The following RAPGEF5 variants were observed in gnomAD, a reference collection of about 807,000 sequenced individuals.
The protein encoded by RAPGEF5 is Rap guanine nucleotide exchange factor 5.
A neutral mutation model predicts 125.2 loss-of-function variants in RAPGEF5; 65 were observed. That is an observed-to-expected ratio of 0.52 (90% confidence interval 0.43 to 0.64). The LOEUF is 0.64. Ranked by LOEUF, RAPGEF5 falls within the 30% of genes least tolerant of loss-of-function variation. RAPGEF5 has a pLI of 0.00. For synonymous variants in RAPGEF5, 391 were observed against 385.9 expected (o/e 1.01, Z -0.16); for missense variants, 958 against 1,048.1 (o/e 0.91, Z 1.19).
At chr7:22,169,224 G>C (rs890942103) in intron 11 of RAPGEF5, among the ~76,000 whole-genome samples, 4 of 152,124 alleles carry the variant, frequency 2.6e-5, no homozygotes, top group African/African-American at 9.7e-5. Flanking sequence ...CCCTACTAGA[G>C]TCTCTGTTTA....
intron 9 of RAPGEF5, among the ~76,000 whole-genome samples, chr7:22,215,359 A>G (rs1280331205): frequency 1.3e-5 from 2 of 152,208 alleles, no homozygotes; most frequent in Non-Finnish European, 2.9e-5. Context: ...AACCTAATTT[A>G]AGGTCCAGGT....
At chr7:22,247,269 A>G (rs1302395123) in intron 7 of RAPGEF5, among the ~76,000 whole-genome samples, 1 of 152,240 alleles carries the variant, frequency 6.6e-6, no homozygotes, top group Non-Finnish European at 1.5e-5. Flanking sequence ...CCAAAAAGAC[A>G]CATGCACTCA....
At chr7:22,139,485 C>T (rs770278312) in intron 21 of RAPGEF5, among the ~76,000 whole-genome samples, 5 of 152,226 alleles carry the variant, frequency 3.3e-5, no homozygotes, top group Non-Finnish European at 5.9e-5. Flanking sequence ...CACGTCAGAC[C>T]TTGTGCGAAC....
intron 7 of RAPGEF5, among the ~76,000 whole-genome samples, chr7:22,245,097 C>A (rs1244137761): frequency 6.6e-6 from 1 of 152,104 alleles, no homozygotes; most frequent in African/African-American, 2.4e-5. Flanking sequence ...TTTGCAGGAA[C>A]CTGTTGGCTA....
intron 20 of RAPGEF5, 105 bp downstream of exon 20, chr7:22,144,939 C>T (rs938109594): frequency 4.6e-6 from 6 of 1,294,980 alleles, no homozygotes; most frequent in South Asian, 1.7e-5. Flanking sequence ...CTCCATATTA[C>T]ACGTTTATAT....
At chr7:22,272,392 G>C (rs920448391) in intron 6 of RAPGEF5, among the ~76,000 whole-genome samples, 1 of 147,352 alleles carries the variant, frequency 6.8e-6, no homozygotes, top group African/African-American at 2.5e-5. Flanking sequence ...AAAAATCAAG[G>C]AAACTCATTT....
chr7:22,223,446 C>T (rs542576915), intron 8 of RAPGEF5, among the ~76,000 whole-genome samples: 5 of 152,104 alleles, frequency 3.3e-5, no homozygotes, highest in Non-Finnish European at 7.4e-5. Context: ...ACAATTCTTC[C>T]AAAGAGGTTT....
At chr7:22,260,934 C>T (rs1406045253) in intron 7 of RAPGEF5, among the ~76,000 whole-genome samples, 7 of 152,118 alleles carry the variant, frequency 4.6e-5, no homozygotes, top group Non-Finnish European at 1.0e-4. Flanking sequence ...AATCCAAGCA[C>T]AGCATATATA....
chr7:22,259,345 A>G (rs961777003), intron 7 of RAPGEF5, among the ~76,000 whole-genome samples: 3 of 152,232 alleles, frequency 2.0e-5, no homozygotes, highest in Non-Finnish European at 2.9e-5. Context: ...AATCTAGAAC[A>G]CTGACTACAT....
intron 11 of RAPGEF5, among the ~76,000 whole-genome samples, chr7:22,167,809 G>C (rs780826135): frequency 2.6e-5 from 4 of 152,102 alleles, no homozygotes; most frequent in Non-Finnish European, 5.9e-5. Context: ...AACCAAACCA[G>C]GTTACATTGT....
Position 22,304,176 on chromosome 7 carries a change from GA to G in RAPGEF5, c.680+4162del, listed in dbSNP as rs796204468. On this transcript the variant is annotated intron_variant, in intron 5 of 25. Transcript: ENST00000665637. The stretch of plus-strand genomic sequence containing the variant: ...AAAGTTGGCTTATGATGGTAGTATT[GA>G]AAAAAAAAAGGTATATACTGTCTCT... Among the ~76,000 whole-genome samples, 36 of 147,164 alleles carry G rather than the reference GA, an allele frequency of 2.4e-4. No individual in the cohort carries two copies. In the East Asian group the frequency reaches 4.5e-3, roughly 19 times the overall value.
intron 20 of RAPGEF5, among the ~76,000 whole-genome samples, 177 bp from the exon 21 acceptor site, chr7:22,140,292 C>T (rs1357172942): frequency 2.0e-5 from 3 of 152,220 alleles, no homozygotes; most frequent in Non-Finnish European, 4.4e-5. Flanking sequence ...TGATTCCAAA[C>T]GCCTCAGCTC....
intron 12 of RAPGEF5, among the ~76,000 whole-genome samples, chr7:22,164,930 G>GA (rs1784115625): frequency 6.6e-6 from 1 of 152,134 alleles, no homozygotes; most frequent in South Asian, 2.1e-4. Context: ...AAAACCACTG[G>GA]AAAAAACAAA....
At chr7:22,208,676 T>A (rs1241755490) in intron 9 of RAPGEF5, among the ~76,000 whole-genome samples, 1 of 152,222 alleles carries the variant, frequency 6.6e-6, no homozygotes, top group Non-Finnish European at 1.5e-5. Flanking sequence ...TTCCCTAGAC[T>A]GAGATGTCTG....
intron 7 of RAPGEF5, among the ~76,000 whole-genome samples, chr7:22,260,072 G>A (rs1216938585): frequency 6.6e-6 from 1 of 150,640 alleles, no homozygotes; most frequent in Non-Finnish European, 1.5e-5. Context: ...TGGGCAACAA[G>A]AGCAAAAACT....
At chr7:22,265,103 T>A (rs935341952) in intron 7 of RAPGEF5, among the ~76,000 whole-genome samples, 1 of 152,180 alleles carries the variant, frequency 6.6e-6, no homozygotes, top group African/African-American at 2.4e-5. Flanking sequence ...CTCAAACATA[T>A]ATCATTTGTA....
At chr7:22,189,869 G>C (rs1359416178) in intron 11 of RAPGEF5, among the ~76,000 whole-genome samples, 1 of 152,142 alleles carries the variant, frequency 6.6e-6, no homozygotes, top group African/African-American at 2.4e-5. Context: ...TAAACAAAAA[G>C]GGAGCTTGTC....
At chr7:22,199,533 A>G (rs1418921054) in intron 9 of RAPGEF5, among the ~76,000 whole-genome samples, 1 of 6,052 alleles carries the variant, frequency 1.7e-4, no homozygotes. Flanking sequence ...TTAAAATTGA[A>G]AAAAAAAAAA....
chr7:22,161,165 C>T (rs557292569), intron 13 of RAPGEF5, among the ~76,000 whole-genome samples: 5 of 152,170 alleles, frequency 3.3e-5, no homozygotes, highest in African/African-American at 1.2e-4. Context: ...GCCGAGATCG[C>T]GCCACTGCAC....
Sources: allele counts gnomAD v4.1 joint callset (sites outside exome capture counted in the v4.1 genomes callset), GRCh38; gene constraint gnomAD v4.1.1; transcripts MANE v1.5; gene names NCBI Gene and HGNC (gene_info 2026-07-23, HGNC 2026-07-21).